The following MEOX2 variants were observed in gnomAD, a reference collection of about 807,000 sequenced individuals.
The protein encoded by MEOX2 is mesenchyme homeobox 2.
MEOX2 carries 11 observed loss-of-function variants against 27.0 expected under a neutral mutation model. The ratio of observed to expected loss-of-function variants is 0.41; its 90% confidence interval spans 0.26 to 0.68. The LOEUF (loss-of-function observed/expected upper bound fraction) is 0.68, where lower values mean the gene tolerates loss of function less well. Ranked by LOEUF, MEOX2 falls within the 30% of genes least tolerant of loss-of-function variation. MEOX2 has a pLI of 0.33. For missense variants in MEOX2, 436 were observed against 385.4 expected (o/e 1.13, Z -1.10); for synonymous variants, 189 against 155.4 (o/e 1.22, Z -1.61).
intron 2 of MEOX2, among the ~76,000 whole-genome samples, chr7:15,614,934 A>C (rs935467831): frequency 6.6e-6 from 1 of 152,164 alleles, no homozygotes; most frequent in African/African-American, 2.4e-5. Flanking sequence ...TTAAACTGAG[A>C]TATTTCTCTA....
At chr7:15,684,942 T>C (rs2115400368) in intron 1 of MEOX2, among the ~76,000 whole-genome samples, 1 of 152,384 alleles carries the variant, frequency 6.6e-6, no homozygotes, top group African/African-American at 2.4e-5. Flanking sequence ...ATTCGGCACG[T>C]TGTGCCTTCA....
chr7:15,667,058 G>A (rs1010835921), intron 1 of MEOX2, among the ~76,000 whole-genome samples: 15 of 150,582 alleles, frequency 1.0e-4, no homozygotes, highest in African/African-American at 3.2e-4. Flanking sequence ...TTGGGAAGCC[G>A]AGGAGGACAG....
At chr7:15,654,752 A>C (rs942904698) in intron 1 of MEOX2, among the ~76,000 whole-genome samples, 1 of 151,780 alleles carries the variant, frequency 6.6e-6, no homozygotes, top group African/African-American at 2.4e-5. Flanking sequence ...ACTTGATCAT[A>C]GTATATAATT....
intron 1 of MEOX2, among the ~76,000 whole-genome samples, chr7:15,638,232 G>C (rs1562601316): frequency 6.6e-6 from 1 of 152,062 alleles, no homozygotes; most frequent in Non-Finnish European, 1.5e-5. Flanking sequence ...AAAGTTAATA[G>C]GTTGTGAAAG....
intron 2 of MEOX2, among the ~76,000 whole-genome samples, chr7:15,616,995 C>G (rs1425428916): frequency 6.6e-6 from 1 of 152,126 alleles, no homozygotes; most frequent in East Asian, 1.9e-4. Context: ...TTAGGTTTCA[C>G]AATATATTAC....
chr7:15,619,356 G>C lies in MEOX2; in HGVS notation c.691-6745C>G, dbSNP rs191622124. 1.5e-3 allele frequency among the ~76,000 whole-genome samples: 234 copies of C among 152,044 alleles called. 2 individuals are homozygous for C. The highest frequency in any genetic ancestry group is 5.2e-3 in the African/African-American group (218 of 41,548). ...AGTACACTCTAAGTGATGATGCTGT[G>C]ATGTAATGTATGATATGTTCCCTAA... is the stretch of plus-strand genomic sequence containing the variant. On this transcript the variant is annotated intron_variant, in intron 2 of 2. Coordinates refer to ENST00000262041, the MANE Select transcript of MEOX2 (RefSeq NM_005924.5).
intron 1 of MEOX2, among the ~76,000 whole-genome samples, chr7:15,663,982 A>G (rs116705802): frequency 0.017 from 2,664 of 152,336 alleles, 85 homozygotes; most frequent in African/African-American, 0.062. Flanking sequence ...TGAGAAGTTT[A>G]TCAAATCTTG....
chr7:15,631,730 G>A (rs1443174211), intron 1 of MEOX2, among the ~76,000 whole-genome samples: 2 of 151,636 alleles, frequency 1.3e-5, no homozygotes, highest in African/African-American at 4.8e-5. Context: ...AATTTATGCT[G>A]TACAAAGCAA....
At chr7:15,617,670 T>C (rs1781144513) in intron 2 of MEOX2, among the ~76,000 whole-genome samples, 2 of 152,006 alleles carry the variant, frequency 1.3e-5, no homozygotes, top group South Asian at 2.1e-4. Context: ...TTTGTGTGTG[T>C]TGGGGAGGCT....
At chr7:15,630,339 C>CA (rs2115362996) in intron 1 of MEOX2, among the ~76,000 whole-genome samples, 1 of 152,112 alleles carries the variant, frequency 6.6e-6, no homozygotes, top group South Asian at 2.1e-4. Flanking sequence ...TTTATTTCCC[C>CA]TAGTGCAAGA....
chr7:15,656,082 T>G (rs1027429312), intron 1 of MEOX2, among the ~76,000 whole-genome samples: 3 of 151,872 alleles, frequency 2.0e-5, no homozygotes, highest in Non-Finnish European at 4.4e-5. Context: ...TGAATTGACT[T>G]TTATCATTTT....
intron 1 of MEOX2, among the ~76,000 whole-genome samples, chr7:15,659,545 G>T (rs1781875710): frequency 6.6e-6 from 1 of 152,048 alleles, no homozygotes; most frequent in South Asian, 2.1e-4. Flanking sequence ...TGGATCACAA[G>T]GTCAGGAGAT....
At chr7:15,643,243 G>A (rs1010957419) in intron 1 of MEOX2, among the ~76,000 whole-genome samples, 2 of 152,174 alleles carry the variant, frequency 1.3e-5, no homozygotes, top group Non-Finnish European at 2.9e-5. Flanking sequence ...TTGATCAAAG[G>A]AAGTATTGGT....
intron 1 of MEOX2, among the ~76,000 whole-genome samples, chr7:15,658,105 C>T (rs915976883): frequency 5.3e-5 from 8 of 152,202 alleles, no homozygotes. Context: ...GAGTCGTCCT[C>T]GTTAACACTG....
Position 15,686,283 on chromosome 7 carries a change from C to G in MEOX2, c.120G>C (p.Glu40Asp). The G allele has an allele frequency of 6.2e-6, 10 of 1,612,354 alleles. No homozygotes were observed. Among genetic ancestry groups the G allele is most frequent in the Non-Finnish European group, 8.5e-6 (10 of 1,179,204 alleles). Residue 40 changes from glutamate to aspartate, a missense_variant, in exon 1 of 3, where the codon GAG (glutamate) becomes GAC (aspartate). Physicochemically the swap from Glu to Asp is conservative, Grantham distance 45. Coordinates refer to ENST00000262041, the MANE Select transcript of MEOX2 (RefSeq NM_005924.5). ...HGRSDHMSYP[E>D]LSTSSSSCII... is the part of the protein sequence containing the mutation. ...TGCAAGATGAGGAAGAAGTAGAGAG[C>G]TCGGGGTAAGACATATGGTCAGATC...
In MEOX2 at chr7:15,611,656, T is replaced by G. The variant is rs1171831164; in HGVS notation, c.*731A>C. The stretch of plus-strand genomic sequence containing the variant: ...GTCTGTGGTACAAGAATATGTCCTA[T>G]CAGACTCTACTGTATTTTTCTCTAC... On this transcript the variant is annotated 3_prime_UTR_variant, in exon 3 of 3. Transcript: ENST00000262041. The G allele has an allele frequency of 6.6e-6, 1 of 152,608 alleles. No individual in the cohort carries two copies. Among genetic ancestry groups the G allele is most frequent in the African/African-American group, 2.4e-5 (1 of 41,450 alleles). The allele number at this position is 152,608 out of a possible 1,614,324, so 9.5% of individuals were successfully genotyped here. A position where few individuals can be genotyped will look rare whatever the true frequency, so the allele number is the denominator to read the frequency against.
At chr7:15,669,297 G>A (rs1472279638) in intron 1 of MEOX2, among the ~76,000 whole-genome samples, 1 of 152,120 alleles carries the variant, frequency 6.6e-6, no homozygotes, top group Non-Finnish European at 1.5e-5. Context: ...AGAGTTGCCT[G>A]GGCACTTATT....
chr7:15,639,175 T>C (rs186901074), intron 1 of MEOX2, among the ~76,000 whole-genome samples: 3 of 152,298 alleles, frequency 2.0e-5, no homozygotes, highest in Admixed American at 6.5e-5. Flanking sequence ...CCATTCTGAC[T>C]GGTATGAGAT....
intron 2 of MEOX2, among the ~76,000 whole-genome samples, chr7:15,622,167 G>A (rs1363370109): frequency 6.6e-6 from 1 of 151,984 alleles, no homozygotes; most frequent in Non-Finnish European, 1.5e-5. Context: ...TTTAATATTT[G>A]TTTTCCCTGT....
Sources: allele counts gnomAD v4.1 joint callset (sites outside exome capture counted in the v4.1 genomes callset), GRCh38; gene constraint gnomAD v4.1.1; transcripts MANE v1.5; gene names NCBI Gene and HGNC (gene_info 2026-07-23, HGNC 2026-07-21).